INPP4A: variants seen among roughly 807,000 people sequenced by gnomAD.
INPP4A encodes the protein inositol polyphosphate-4-phosphatase, type I, 107kD.
INPP4A carries 33 observed loss-of-function variants against 119.8 expected under a neutral mutation model. The observed-to-expected ratio is 0.28, with a 90% CI of 0.21 to 0.37. The LOEUF (loss-of-function observed/expected upper bound fraction) is 0.37, where lower values mean the gene tolerates loss of function less well. Among genes scored for constraint, INPP4A ranks in the 10% least tolerant of loss-of-function variants. INPP4A has a pLI of 1.00. For synonymous variants in INPP4A, 496 were observed against 500.7 expected, an observed-to-expected ratio of 0.99 and a Z score of 0.12; for missense variants, 956 against 1,289.9, an observed-to-expected ratio of 0.74 and a Z score of 3.97.
At chr2:98,567,975 C>G (rs1026405513) in intron 21 of INPP4A, among the ~76,000 whole-genome samples, 2 of 152,334 alleles carry the variant, frequency 1.3e-5, no homozygotes, top group Middle Eastern at 3.4e-3. Flanking sequence ...TCAGAGCCTG[C>G]ATTTCCTAAT....
intron 1 of INPP4A, among the ~76,000 whole-genome samples, chr2:98,446,190 C>G (rs572541920): frequency 7.2e-5 from 11 of 152,378 alleles, no homozygotes; most frequent in African/African-American, 2.4e-4. Flanking sequence ...GTTTTGGAAT[C>G]TAGCTGCTGT....
chr2:98,454,567 G>C (rs918559366), intron 1 of INPP4A, among the ~76,000 whole-genome samples: 2 of 152,062 alleles, frequency 1.3e-5, no homozygotes, highest in Non-Finnish European at 2.9e-5. Flanking sequence ...TGAATGTTTC[G>C]ACCCCTGCTC....
At position 98,563,487 on chromosome 2, in the gene INPP4A, C is replaced by T. The variant is rs1163421029; in HGVS notation, c.1878C>T (p.Tyr626=). 6.2e-7 allele frequency: 1 copy of T among 1,613,350 alleles called. No individual in the cohort carries two copies. Among genetic ancestry groups the T allele is most frequent in the South Asian group, 1.1e-5 (1 of 90,880 alleles). ...CAGGTGAATGGAGTGAGGCCCTTTACCCGCTGCTGACCACTCTCACCGACT... is the reference window on the plus strand; with the variant it reads ...CAGGTGAATGGAGTGAGGCCCTTTATCCGCTGCTGACCACTCTCACCGACT... ...SSPGEWSEAL[Y]PLLTTLTDCV... The change falls in exon 18 of 25, where the codon TAC becomes TAT. Residue 626 remains tyrosine (Y), a synonymous_variant. Coordinates refer to ENST00000409851, the MANE Select transcript of INPP4A (RefSeq NM_001134225.2).
At chr2:98,460,121 G>C (rs2104616270) in intron 1 of INPP4A, among the ~76,000 whole-genome samples, 1 of 152,192 alleles carries the variant, frequency 6.6e-6, no homozygotes, top group East Asian at 1.9e-4. Context: ...GTGTGTGTGT[G>C]TGTGTGTGTG....
chr2:98,580,688 C>G lies in INPP4A; in HGVS notation c.2786+3545C>G, dbSNP rs565907247. ...TCCTCTGGGAGAGCTGGGGAGGGCT[C>G]TGTGTGAAGAGGAACCCTGGGCCTC... is the stretch of plus-strand genomic sequence containing the variant. On this transcript the variant is annotated intron_variant, in intron 24 of 24. Transcript: ENST00000409851. Among the ~76,000 whole-genome samples the G allele has an allele frequency of 5.3e-5, 8 of 152,364 alleles. No homozygotes were observed. The East Asian group carries it at 1.5e-3, about 29-fold the overall frequency.
At chr2:98,494,996 A>G (rs1362888359) in intron 1 of INPP4A, among the ~76,000 whole-genome samples, 3 of 152,208 alleles carry the variant, frequency 2.0e-5, no homozygotes, top group Non-Finnish European at 4.4e-5. Context: ...CTGTGCCCCC[A>G]TGAGGAGCAA....
chr2:98,465,126 C>T (rs148753244), intron 1 of INPP4A, among the ~76,000 whole-genome samples: 36 of 152,328 alleles, frequency 2.4e-4, no homozygotes, highest in African/African-American at 7.5e-4. Context: ...GTAACAAACT[C>T]GGTGGCTTAA....
intron 1 of INPP4A, among the ~76,000 whole-genome samples, chr2:98,497,738 G>C (rs1469981241): frequency 6.6e-6 from 1 of 152,124 alleles, no homozygotes; most frequent in East Asian, 1.9e-4. Flanking sequence ...GCAGAAGCTT[G>C]GGCGCAACTG....
intron 1 of INPP4A, among the ~76,000 whole-genome samples, chr2:98,516,363 GA>G (rs1449480282): frequency 1.3e-5 from 2 of 152,146 alleles, no homozygotes; most frequent in Non-Finnish European, 2.9e-5. Context: ...TTAGTCTGTA[GA>G]TGTACCCCTT....
At position 98,554,195 on chromosome 2, in the gene INPP4A, C is replaced by T; in HGVS notation, c.1348-76C>T. On this transcript the variant is annotated intron_variant, in intron 14 of 24. Coordinates refer to ENST00000409851, the MANE Select transcript of INPP4A (RefSeq NM_001134225.2). The surrounding 1 kb of genome is among the most constrained non-coding windows in gnomAD (Gnocchi z 4.7). The stretch of plus-strand genomic sequence containing the variant: ...CAGTGCTGGGCTTTAAGCCCATTCT[C>T]CATTTCTGAGATAAGGCAGGGGCCT... 8.6e-7 allele frequency: 1 copy of T among 1,156,626 alleles called. No individual in the cohort carries two copies. Among genetic ancestry groups the T allele is most frequent in the Non-Finnish European group, 1.2e-6 (1 of 810,180 alleles). The allele number at this position is 1,156,626 out of a possible 1,614,324, so 71.6% of individuals were successfully genotyped here.
At chr2:98,499,827 G>A (rs866537259) in intron 1 of INPP4A, among the ~76,000 whole-genome samples, 1 of 152,324 alleles carries the variant, frequency 6.6e-6, no homozygotes, top group African/African-American at 2.4e-5. Flanking sequence ...CCTTTATGGA[G>A]AAGTAGTAAG....
intron 1 of INPP4A, among the ~76,000 whole-genome samples, chr2:98,515,014 T>C (rs1020615217): frequency 1.3e-5 from 2 of 151,636 alleles, no homozygotes; most frequent in African/African-American, 2.4e-5. Flanking sequence ...TCCCGGAGAG[T>C]GGCACATAGG....
chr2:98,522,463 AAGT>A (rs1266749564), intron 4 of INPP4A, among the ~76,000 whole-genome samples: 1 of 152,116 alleles, frequency 6.6e-6, no homozygotes, highest in East Asian at 1.9e-4. Flanking sequence ...TGAAGTTTGG[AAGT>A]TAGTCAAGGA....
chr2:98,484,992 C>T (rs1574666747), intron 1 of INPP4A, among the ~76,000 whole-genome samples: 2 of 151,768 alleles, frequency 1.3e-5, no homozygotes, highest in East Asian at 2.0e-4. Flanking sequence ...GTAGTGGCTT[C>T]AGTCTTCCAA....
At chr2:98,519,560 C>A in intron 2 of INPP4A, 1 of 156,164 alleles carries the variant, frequency 6.4e-6, no homozygotes, top group East Asian at 1.9e-4. Flanking sequence ...GCAGCTCTTA[C>A]CCTTCTCACA....
At chr2:98,578,689 C>T (rs917807615) in intron 24 of INPP4A, among the ~76,000 whole-genome samples, 1 of 152,226 alleles carries the variant, frequency 6.6e-6, no homozygotes. Context: ...ACAGTTACAG[C>T]TGTTAGGATG....
intron 10 of INPP4A, among the ~76,000 whole-genome samples, chr2:98,540,022 C>T (rs528565082): frequency 4.4e-4 from 67 of 152,272 alleles, no homozygotes; most frequent in Admixed American, 7.2e-4. Flanking sequence ...AGCCTCTTCT[C>T]CCAGGTTCAA....
chr2:98,508,091 T>C (rs1049120536), intron 1 of INPP4A, among the ~76,000 whole-genome samples: 1 of 152,100 alleles, frequency 6.6e-6, no homozygotes, highest in Non-Finnish European at 1.5e-5. Flanking sequence ...TGAGAAGCCA[T>C]GAGCAGCTGC....
chr2:98,572,645 C>G lies in INPP4A; in HGVS notation c.2519-170C>G, dbSNP rs76743637. On this transcript the variant is annotated intron_variant, in intron 22 of 24. Coordinates refer to ENST00000409851, the MANE Select transcript of INPP4A (RefSeq NM_001134225.2). ...AGGTGGCAGTAAAAGAAATTAAGTG[C>G]TCACCACACCAGCAGCCATGTCCTA... Among the ~76,000 whole-genome samples, 102 of 152,328 alleles carry G rather than the reference C, an allele frequency of 6.7e-4. 2 individuals carry two copies. In the East Asian group the frequency reaches 0.01, roughly 16 times the overall value.
Sources: gnomAD v4.1 joint callset for allele counts (sites outside exome capture counted in the v4.1 genomes callset) on GRCh38, gnomAD v4.1.1 for gene constraint, Gnocchi (gnomAD v3.1) non-coding constraint, MANE v1.5 for transcripts, NCBI Gene and HGNC (gene_info 2026-07-23, HGNC 2026-07-21) for gene names.